The following LRCH1 variants were observed in gnomAD, a reference collection of about 807,000 sequenced individuals.
LRCH1 encodes leucine rich repeats and calponin homology domain containing 1, also known as leucine-rich repeat and calponin homology domain-containing protein 1.
A neutral mutation model predicts 94.9 loss-of-function variants in LRCH1; 23 were observed. That is an observed-to-expected ratio of 0.24 (90% confidence interval 0.17 to 0.34). The LOEUF (loss-of-function observed/expected upper bound fraction) is 0.34. Ranked by LOEUF, LRCH1 falls within the 10% of genes least tolerant of loss-of-function variation. The pLI is 1.00. For missense variants in LRCH1, 790 were observed against 945.9 expected, an observed-to-expected ratio of 0.84 and a Z score of 2.16; for synonymous variants, 364 against 354.9, an observed-to-expected ratio of 1.03 and a Z score of -0.29.
intron 1 of LRCH1, among the ~76,000 whole-genome samples, chr13:46,622,414 G>A (rs1336082645): frequency 6.6e-6 from 1 of 152,066 alleles, no homozygotes; most frequent in Non-Finnish European, 1.5e-5. Flanking sequence ...TTCCTAACAG[G>A]CAAGCATCTG....
At chr13:46,590,201 C>T (rs146456383) in intron 1 of LRCH1, among the ~76,000 whole-genome samples, 1 of 152,268 alleles carries the variant, frequency 6.6e-6, no homozygotes, top group Non-Finnish European at 1.5e-5. Flanking sequence ...TGGAAGGTGA[C>T]ACTTGTCAAC....
At chr13:46,664,320 A>G (rs766357300) in intron 2 of LRCH1, among the ~76,000 whole-genome samples, 3 of 152,248 alleles carry the variant, frequency 2.0e-5, no homozygotes, top group Non-Finnish European at 4.4e-5. Flanking sequence ...TAAGATTATA[A>G]TGGAGTTGAA....
chr13:46,751,014 C>T (rs189553261), exon 19 of LRCH1: 46 of 161,768 alleles, frequency 2.8e-4, no homozygotes, highest in Admixed American at 2.4e-3. Flanking sequence ...AAACCAAACT[C>T]GTTATGTATT....
chr13:46,665,265 G>A (rs1405070851), intron 2 of LRCH1, among the ~76,000 whole-genome samples: 1 of 152,034 alleles, frequency 6.6e-6, no homozygotes, highest in Non-Finnish European at 1.5e-5. Context: ...AATAATATCA[G>A]ATACTAAGAT....
chr13:46,586,775 A>G (rs1434480685), intron 1 of LRCH1, among the ~76,000 whole-genome samples: 1 of 152,228 alleles, frequency 6.6e-6, no homozygotes, highest in Non-Finnish European at 1.5e-5. Flanking sequence ...TTCAGCTTTA[A>G]CAGTGAGGGG....
chr13:46,731,618 G>A (rs1174363103), intron 18 of LRCH1, among the ~76,000 whole-genome samples: 1 of 152,172 alleles, frequency 6.6e-6, no homozygotes, highest in Non-Finnish European at 1.5e-5. Context: ...TAGAAATGCA[G>A]TTTGTTTCTA....
intron 1 of LRCH1, among the ~76,000 whole-genome samples, chr13:46,630,568 GAGCTCTACCAAGC>G (rs2051006088): frequency 6.6e-6 from 1 of 152,170 alleles, no homozygotes; most frequent in Non-Finnish European, 1.5e-5. Flanking sequence ...AATTTGATAA[GAGCTCTACCAAGC>G]AGTTGGTTCT....
intron 2 of LRCH1, among the ~76,000 whole-genome samples, chr13:46,658,772 C>T (rs556623120): frequency 3.9e-5 from 6 of 152,316 alleles, no homozygotes; most frequent in African/African-American, 1.4e-4. Flanking sequence ...TGAGCCACCA[C>T]ACCTGGGCTA....
At chr13:46,655,617 A>G (rs865779501) in intron 2 of LRCH1, among the ~76,000 whole-genome samples, 12 of 152,258 alleles carry the variant, frequency 7.9e-5, no homozygotes, top group African/African-American at 2.9e-4. Context: ...TACACAGGAA[A>G]GCCTCACAAA....
chr13:46,620,563 C>T (rs2050868534), intron 1 of LRCH1, among the ~76,000 whole-genome samples: 1 of 152,194 alleles, frequency 6.6e-6, no homozygotes, highest in South Asian at 2.1e-4. Flanking sequence ...TTAATTATTG[C>T]AAAACTTCTG....
At chr13:46,657,500 CTTTTTTTTTTTTTTTTTTTTTTTTTTT>C (rs67588975) in intron 2 of LRCH1, among the ~76,000 whole-genome samples, 6 of 11,378 alleles carry the variant, frequency 5.3e-4, no homozygotes, top group Admixed American at 1.6e-3. Flanking sequence ...CTTTTCTTTT[CTTTTTTTTTTTTTTTTTTTTTTTTTTT>C]TTTTTTTTTT....
intron 7 of LRCH1, among the ~76,000 whole-genome samples, chr13:46,690,474 C>T (rs1326426650): frequency 1.3e-5 from 2 of 152,128 alleles, no homozygotes; most frequent in East Asian, 1.9e-4. Context: ...TCTTCTAAGG[C>T]TAATTAAACT....
intron 11 of LRCH1, among the ~76,000 whole-genome samples, chr13:46,702,155 C>T (rs1335108960): frequency 6.6e-6 from 1 of 152,084 alleles, no homozygotes; most frequent in Non-Finnish European, 1.5e-5. Flanking sequence ...GGACAAGACA[C>T]AGCTCTTGCT....
At chr13:46,736,105 T>A (rs988142474) in intron 19 of LRCH1, among the ~76,000 whole-genome samples, 3 of 146,382 alleles carry the variant, frequency 2.0e-5, no homozygotes, top group Non-Finnish European at 3.0e-5. Context: ...CCAAGGTGAT[T>A]TTCAAATTTG....
intron 19 of LRCH1, among the ~76,000 whole-genome samples, chr13:46,737,275 T>C (rs533413128): frequency 8.5e-4 from 129 of 152,326 alleles, no homozygotes; most frequent in African/African-American, 2.9e-3. Flanking sequence ...AAATTTGTTA[T>C]GATTTTTTAA....
At chr13:46,665,479 T>A (rs1467930655) in intron 2 of LRCH1, among the ~76,000 whole-genome samples, 1 of 152,234 alleles carries the variant, frequency 6.6e-6, no homozygotes, top group Non-Finnish European at 1.5e-5. Flanking sequence ...TGAGCTGCCT[T>A]ATTTCATCTT....
intron 2 of LRCH1, among the ~76,000 whole-genome samples, chr13:46,667,727 G>A (rs1267132108): frequency 1.3e-5 from 2 of 152,066 alleles, no homozygotes; most frequent in Admixed American, 1.3e-4. Context: ...AGGAGCACTC[G>A]TAACACATAT....
intron 1 of LRCH1, among the ~76,000 whole-genome samples, chr13:46,647,615 T>G (rs901637612): frequency 1.3e-5 from 2 of 152,196 alleles, no homozygotes; most frequent in African/African-American, 4.8e-5. Context: ...AATGCCATAC[T>G]TTTTTGTGTG....
In LRCH1 at chr13:46,694,921, G is replaced by A; in HGVS notation, c.1149G>A (p.Glu383=). 6.2e-7 allele frequency: 1 copy of A among 1,614,160 alleles called. No individual in the cohort carries two copies. Among genetic ancestry groups the A allele is most frequent in the Non-Finnish European group, 8.5e-7 (1 of 1,179,990 alleles). The change falls in exon 9 of 20, where the codon GAG becomes GAA. Residue 383 remains glutamate, a synonymous_variant. Coordinates refer to ENST00000389797, the MANE Select transcript of LRCH1 (RefSeq NM_001164211.2). The part of the protein sequence containing the change: ...KGEFHQEFQP[E]PSLLGDSTNS... ...AATTTCATCAGGAATTTCAACCGGA[G>A]CCTTCCCTTTTGGGTGACAGCACCA... is the stretch of plus-strand genomic sequence containing the variant.
Sources: gnomAD v4.1 joint callset for allele counts (sites outside exome capture counted in the v4.1 genomes callset) on GRCh38, gnomAD v4.1.1 for gene constraint, MANE v1.5 for transcripts, NCBI Gene and HGNC (gene_info 2026-07-23, HGNC 2026-07-21) for gene names.